The following TENM4 variants were observed in gnomAD, a reference collection of about 807,000 sequenced individuals.
TENM4 encodes the protein teneurin transmembrane protein 4, also known as teneurin-4.
In TENM4, 82 loss-of-function variants were observed where a neutral mutation model predicts 243.3. The observed-to-expected ratio is 0.34, with a 90% CI of 0.28 to 0.40. TENM4 has a LOEUF of 0.40. Among genes scored for constraint, TENM4 ranks in the 10% least tolerant of loss-of-function variants. TENM4 has a pLI of 1.00. For missense variants in TENM4, 3,138 were observed against 3,673.3 expected (o/e 0.85, Z 3.77); for synonymous variants, 1,412 against 1,456.3 (o/e 0.97, Z 0.69).
intron 2 of TENM4, among the ~76,000 whole-genome samples, chr11:79,295,106 C>T (rs1004627424): frequency 1.3e-5 from 2 of 152,142 alleles, no homozygotes; most frequent in African/African-American, 2.4e-5. Flanking sequence ...ACACACCAGC[C>T]CCAGAACTGA....
At chr11:78,704,822 A>G (rs1333414510) in intron 27 of TENM4, among the ~76,000 whole-genome samples, 1 of 152,244 alleles carries the variant, frequency 6.6e-6, no homozygotes, top group Non-Finnish European at 1.5e-5. Context: ...ACCCCAATAC[A>G]TTATATACAC....
In TENM4 at chr11:79,437,677, G is replaced by T. The variant is rs868135762; in HGVS notation, c.-321+2832C>A. 3.3e-5 allele frequency among the ~76,000 whole-genome samples: 5 copies of T among 152,318 alleles called. No individual in the cohort carries two copies. In the East Asian group the frequency reaches 9.7e-4, roughly 29 times the overall value. Reference sequence around the variant, plus strand: ...CCGGCGGGGGAGGCGGGCCACGAGGGGCTGGGGCGAGGGAGCTGGGATGCG... The same window carrying T: ...CCGGCGGGGGAGGCGGGCCACGAGGTGCTGGGGCGAGGGAGCTGGGATGCG... On this transcript the variant is annotated intron_variant, in intron 1 of 33. Coordinates refer to ENST00000278550, the MANE Select transcript of TENM4 (RefSeq NM_001098816.3).
rs558781596 is a variant in TENM4 at position 78,878,035 on chromosome 11, G to A, written c.1084+11750C>T. ...CCGTGCCGGCTATGTTTCAGCAGCC[G>A]CCTCTGGCTTTGTCTCCTCTGGTTT... On this transcript the variant is annotated intron_variant, in intron 9 of 33. Transcript: ENST00000278550. 3.2e-4 allele frequency among the ~76,000 whole-genome samples: 48 copies of A among 152,268 alleles called. No individual in the cohort carries two copies. The South Asian group carries it at 5.6e-3, about 18-fold the overall frequency.
chr11:78,887,948 C>T (rs1037474542), intron 9 of TENM4, among the ~76,000 whole-genome samples: 1 of 152,218 alleles, frequency 6.6e-6, no homozygotes, highest in African/African-American at 2.4e-5. Context: ...AGTCTACTCA[C>T]TTATGAAAAA....
intron 6 of TENM4, among the ~76,000 whole-genome samples, chr11:79,062,368 C>T (rs1338911548): frequency 6.8e-6 from 1 of 146,496 alleles, no homozygotes; most frequent in Admixed American, 6.8e-5. Context: ...GAAGGGCCTA[C>T]AGGTCATTTC....
At chr11:78,869,827 T>C (rs1053425872) in intron 9 of TENM4, among the ~76,000 whole-genome samples, 1 of 152,186 alleles carries the variant, frequency 6.6e-6, no homozygotes, top group Non-Finnish European at 1.5e-5. Context: ...AAAAAAAATT[T>C]TAAGACAAAG....
intron 4 of TENM4, among the ~76,000 whole-genome samples, chr11:79,103,240 C>A (rs1405770140): frequency 1.3e-5 from 2 of 152,276 alleles, no homozygotes; most frequent in East Asian, 1.9e-4. Context: ...GCTCCCCCAA[C>A]CTCCAGGACT....
At chr11:79,330,313 C>T (rs1857041586) in intron 1 of TENM4, among the ~76,000 whole-genome samples, 1 of 152,118 alleles carries the variant, frequency 6.6e-6, no homozygotes, top group African/African-American at 2.4e-5. Flanking sequence ...ATGGGGACTC[C>T]TAGGACTGGG....
intron 1 of TENM4, among the ~76,000 whole-genome samples, chr11:79,313,074 C>T (rs779092559): frequency 2.0e-5 from 3 of 152,174 alleles, no homozygotes; most frequent in Non-Finnish European, 2.9e-5. Context: ...GACCTAAAAA[C>T]GGAAGGCAAG....
At chr11:79,350,307 T>A (rs1049790600) in intron 1 of TENM4, among the ~76,000 whole-genome samples, 3 of 152,220 alleles carry the variant, frequency 2.0e-5, no homozygotes, top group Non-Finnish European at 4.4e-5. Flanking sequence ...CACCTTTGTC[T>A]TTCCCACCCA....
At position 79,115,428 on chromosome 11, in the gene TENM4, C is replaced by T. The variant is rs573806888; in HGVS notation, c.-66+33282G>A. Among the ~76,000 whole-genome samples, 5 of 152,288 alleles carry T rather than the reference C, an allele frequency of 3.3e-5. No homozygotes were observed. In the South Asian group the frequency reaches 1.0e-3, roughly 32 times the overall value. On this transcript the variant is annotated intron_variant, in intron 4 of 33. Coordinates refer to ENST00000278550, the MANE Select transcript of TENM4 (RefSeq NM_001098816.3). ...TACCTTAGTAATTCTCTTTCCATTCCCACTACCATGGACTAGCTCAGGTCT... is the reference window on the plus strand; with the variant it reads ...TACCTTAGTAATTCTCTTTCCATTCTCACTACCATGGACTAGCTCAGGTCT...
intron 2 of TENM4, among the ~76,000 whole-genome samples, chr11:79,275,709 T>C (rs539230636): frequency 6.6e-6 from 1 of 152,370 alleles, no homozygotes; most frequent in Middle Eastern, 3.4e-3. Flanking sequence ...ACTGCAGACT[T>C]GTTCAAGTTT....
chr11:78,854,403 G>A (rs1858623387), intron 11 of TENM4, 89 bp from the exon 12 acceptor site: 1 of 1,276,504 alleles, frequency 7.8e-7, no homozygotes, highest in Non-Finnish European at 1.0e-6. Flanking sequence ...GAGGACATTG[G>A]GAAACACAAA....
At chr11:79,045,985 T>C (rs984906054) in intron 6 of TENM4, among the ~76,000 whole-genome samples, 1 of 152,194 alleles carries the variant, frequency 6.6e-6, no homozygotes, top group African/African-American at 2.4e-5. Context: ...TGTCACACAC[T>C]CCCACTCATA....
chr11:78,961,840 C>T (rs1228723645), intron 6 of TENM4, among the ~76,000 whole-genome samples: 1 of 151,712 alleles, frequency 6.6e-6, no homozygotes, highest in African/African-American at 2.4e-5. Flanking sequence ...CCTGTCTGGG[C>T]CTTCACCTGA....
At chr11:79,313,067 C>T (rs1445702996) in intron 1 of TENM4, among the ~76,000 whole-genome samples, 2 of 152,190 alleles carry the variant, frequency 1.3e-5, no homozygotes, top group East Asian at 3.8e-4. Context: ...GCTCCCTGAC[C>T]TAAAAACGGA....
intron 3 of TENM4, among the ~76,000 whole-genome samples, chr11:79,151,322 A>T (rs1862507406): frequency 6.6e-6 from 1 of 152,222 alleles, no homozygotes; most frequent in Admixed American, 6.5e-5. Flanking sequence ...CCATTCATCC[A>T]TCTGACCATG....
rs1193250974 is a variant in TENM4, at chr11:78,669,614, C to T, written c.6731G>A (p.Arg2244His). The change falls in exon 32 of 34, where the codon CGC becomes CAC. Residue 2244 changes from arginine (R) to histidine (H), a missense_variant. Coordinates refer to ENST00000278550, the MANE Select transcript of TENM4 (RefSeq NM_001098816.3). The surrounding 1 kb of genome is among the most constrained non-coding windows in gnomAD (Gnocchi z 6.4). ...TTGCACGTCACCCAGCCGAGTGATG[C>T]GGTCGCGGATGTCATACCGTAGTGG... is the stretch of plus-strand genomic sequence containing the variant. ...LTPLRYDIRD[R>H]ITRLGDVQYK... is the part of the protein sequence containing the mutation. 3.3e-5 allele frequency: 53 copies of T among 1,613,816 alleles called. No homozygotes were observed. The highest frequency in any genetic ancestry group is 1.4e-4 in the South Asian group (13 of 91,078).
chr11:78,851,369 A>ACCGTCT (rs1189229243), intron 12 of TENM4, among the ~76,000 whole-genome samples: 2 of 152,190 alleles, frequency 1.3e-5, no homozygotes, highest in African/African-American at 4.8e-5. Context: ...GGAAAAGAAG[A>ACCGTCT]CCGTCTCCCT....
Sources: gnomAD v4.1 joint callset for allele counts (sites outside exome capture counted in the v4.1 genomes callset) on GRCh38, gnomAD v4.1.1 for gene constraint, Gnocchi (gnomAD v3.1) non-coding constraint, MANE v1.5 for transcripts, NCBI Gene and HGNC (gene_info 2026-07-23, HGNC 2026-07-21) for gene names.